Variants in CCZ1B observed in about 807,000 individuals in gnomAD.
CCZ1B encodes the protein vacuolar fusion protein CCZ1 homolog B.
CCZ1B carries 25 observed loss-of-function variants against 58.8 expected under a neutral mutation model. The ratio of observed to expected loss-of-function variants is 0.43; its 90% CI spans 0.31 to 0.59. The LOEUF is 0.59. CCZ1B is among the 20% of genes least tolerant of loss of function. The probability of loss-of-function intolerance (pLI) is 0.12; values close to 1 mark genes in which losing one functional copy is unlikely to be tolerated. For missense variants in CCZ1B, 180 were observed against 501.5 expected (o/e 0.36, Z 6.12); for synonymous variants, 66 against 173.2 (o/e 0.38, Z 4.86).
At chr7:6,817,445 G>A (rs1583554609) in intron 7 of CCZ1B, among the ~76,000 whole-genome samples, 1 of 150,216 alleles carries the variant, frequency 6.7e-6, no homozygotes, top group Admixed American at 6.6e-5. Flanking sequence ...TTTGGTGGAA[G>A]CAAGGCCATG....
At chr7:6,821,320 T>G (rs1239011015) in intron 6 of CCZ1B, among the ~76,000 whole-genome samples, 1 of 150,472 alleles carries the variant, frequency 6.6e-6, no homozygotes, top group African/African-American at 2.5e-5. Flanking sequence ...AAGAGTGCCA[T>G]CTTATACTAA....
chr7:6,818,182 G>T (rs1783036433), intron 7 of CCZ1B, among the ~76,000 whole-genome samples: 1 of 149,562 alleles, frequency 6.7e-6, no homozygotes, highest in Non-Finnish European at 1.5e-5. Flanking sequence ...TAAATTTTAG[G>T]GGAACTAGTT....
chr7:6,812,671 C>T (rs1782937295), intron 9 of CCZ1B, among the ~76,000 whole-genome samples: 1 of 152,012 alleles, frequency 6.6e-6, no homozygotes, highest in Non-Finnish European at 1.5e-5. Context: ...ACCTGTAATC[C>T]CAGCACTTTG....
chr7:6,812,961 G>T lies in CCZ1B; in HGVS notation c.842+15C>A, dbSNP rs552391862. The T allele has an allele frequency of 6.4e-7, 1 of 1,560,596 alleles. No individual in the cohort carries two copies. Among genetic ancestry groups the T allele is most frequent in the Non-Finnish European group, 8.7e-7 (1 of 1,151,430 alleles). ...AGAAAACCCAGTATCATAAATCAAA[G>T]AACAGAAGTCCTACCTTCCATAGTG... is the stretch of plus-strand genomic sequence containing the variant. On this transcript the variant is annotated intron_variant, in intron 9 of 14. Transcript: ENST00000316731.
chr7:6,800,733 A>G (rs1161883631), intron 14 of CCZ1B, among the ~76,000 whole-genome samples: 3 of 142,140 alleles, frequency 2.1e-5, no homozygotes, highest in Non-Finnish European at 3.0e-5. Context: ...TGTAGAAAAT[A>G]ATTTTCTTTC....
chr7:6,820,580 C>T (rs1583556707), intron 6 of CCZ1B, among the ~76,000 whole-genome samples: 1 of 148,500 alleles, frequency 6.7e-6, no homozygotes, highest in African/African-American at 2.5e-5. Flanking sequence ...CATCCCAAAG[C>T]GCTGGGAATA....
intron 3 of CCZ1B, 76 bp from the exon 4 acceptor site, chr7:6,824,242 T>G: frequency 6.4e-7 from 1 of 1,555,808 alleles, no homozygotes; most frequent in Non-Finnish European, 8.6e-7. Flanking sequence ...TTAAAAACTT[T>G]GAACATGCTA....
chr7:6,824,861 G>A (rs1350407295), intron 1 of CCZ1B, 124 bp from the exon 2 acceptor site: 3 of 1,310,924 alleles, frequency 2.3e-6, no homozygotes, highest in East Asian at 2.5e-5. Context: ...AACAAAAACC[G>A]GTTTTAGAAA....
At chr7:6,811,819 G>C in intron 10 of CCZ1B, 133 bp downstream of exon 10, 1 of 657,200 alleles carries the variant, frequency 1.5e-6, no homozygotes. Context: ...CCCATTTTGA[G>C]TTTTACCATA....
In CCZ1B at chr7:6,817,920, C is replaced by T. The variant is rs575125347; in HGVS notation, c.698+1846G>A. Among the ~76,000 whole-genome samples the T allele has an allele frequency of 1.3e-4, 19 of 148,634 alleles. 1 individual carries two copies. Among genetic ancestry groups the T allele is most frequent in the Non-Finnish European group, 2.1e-4 (14 of 67,446 alleles). ...TCGGGAGGCTGAGGCAGGAGAATTG[C>T]TTGAACCCAGGAGGCAGGGGTTGCA... On this transcript the variant is annotated intron_variant, in intron 7 of 14. Transcript: ENST00000316731.
At chr7:6,818,928 G>A (rs1399555437) in intron 7 of CCZ1B, among the ~76,000 whole-genome samples, 3 of 147,990 alleles carry the variant, frequency 2.0e-5, no homozygotes, top group South Asian at 4.3e-4. Context: ...CTAGTTTCAC[G>A]ATAGCAGGTA....
intron 7 of CCZ1B, among the ~76,000 whole-genome samples, chr7:6,816,006 A>G (rs1391710349): frequency 4.1e-5 from 6 of 144,778 alleles, no homozygotes; most frequent in Admixed American, 1.4e-4. Context: ...CGGTGAAGAA[A>G]GAGGAGGAAG....
rs768593509 is a variant in CCZ1B, at chr7:6,824,108, T to C, written c.371A>G (p.Tyr124Cys). ...CATTACCAACAACTCCTCCTCTTGA[T>C]ATTCAATAACTGGTTTTCCATCTTT... ...QSKDGKPVIEYQEEELLDKVY... is the reference protein window; with the variant it reads ...QSKDGKPVIECQEEELLDKVY... The change falls in exon 4 of 15, where the codon TAT (tyrosine) becomes TGT (cysteine). Residue 124 changes from tyrosine to cysteine, a missense_variant. Physicochemically the swap from Tyr to Cys is radical, Grantham distance 194. Transcript: ENST00000316731. The C allele has an allele frequency of 6.8e-7, 1 of 1,478,998 alleles. No homozygotes were observed. Among genetic ancestry groups the C allele is most frequent in the Non-Finnish European group, 9.1e-7 (1 of 1,098,390 alleles). 91.6% of individuals were successfully genotyped at this position (1,478,998 alleles called of 1,614,324 possible).
At chr7:6,820,087 G>C in intron 6 of CCZ1B, 146 bp from the exon 7 acceptor site, 2 of 1,147,224 alleles carry the variant, frequency 1.7e-6, no homozygotes, top group Non-Finnish European at 2.5e-6. Flanking sequence ...CCGTGGTGAA[G>C]ACATGGGTGA....
intron 9 of CCZ1B, among the ~76,000 whole-genome samples, chr7:6,812,689 A>G (rs1362358812): frequency 6.6e-6 from 1 of 151,898 alleles, no homozygotes; most frequent in Admixed American, 6.6e-5. Flanking sequence ...TTGGGAGGCC[A>G]AGGCAGGTGG....
chr7:6,810,135 C>T (rs1172718711), intron 10 of CCZ1B, among the ~76,000 whole-genome samples: 11 of 150,098 alleles, frequency 7.3e-5, no homozygotes, highest in African/African-American at 1.7e-4. Context: ...CCTCAGCCTC[C>T]GGAGTAGCTG....
intron 6 of CCZ1B, 38 bp downstream of exon 6, chr7:6,822,243 T>A (rs1240667971): frequency 1.4e-5 from 22 of 1,561,330 alleles, no homozygotes; most frequent in Non-Finnish European, 1.9e-5. Flanking sequence ...ACCTGATGAA[T>A]GCTTAGTAAA....
chr7:6,811,306 GGTTTACAAGTCCC>G (rs1168674474), intron 10 of CCZ1B, among the ~76,000 whole-genome samples: 1 of 149,986 alleles, frequency 6.7e-6, no homozygotes, highest in Non-Finnish European at 1.5e-5. Flanking sequence ...TATCAGGCAT[GGTTTACAAGTCCC>G]GTCTACCTTC....
chr7:6,818,747 T>C (rs1409455483), intron 7 of CCZ1B, among the ~76,000 whole-genome samples: 1 of 137,930 alleles, frequency 7.3e-6, no homozygotes, highest in Non-Finnish European at 1.5e-5. Context: ...AAGAGGGCTC[T>C]AGTCAATGGG....
Sources: allele counts gnomAD v4.1 joint callset (sites outside exome capture counted in the v4.1 genomes callset), GRCh38; gene constraint gnomAD v4.1.1; transcripts MANE v1.5; gene names NCBI Gene and HGNC (gene_info 2026-07-23, HGNC 2026-07-21).